The following BIN1 variants were observed in gnomAD, a reference collection of about 807,000 sequenced individuals.
BIN1 encodes the protein bridging integrator 1.
Under a neutral mutation model 82.0 loss-of-function variants are expected in BIN1, and 53 were observed. The ratio of observed to expected loss-of-function variants is 0.65; its 90% CI spans 0.52 to 0.81. BIN1 has a LOEUF of 0.81. Among genes scored for constraint, BIN1 ranks in the 40% least tolerant of loss-of-function variants. BIN1 has a pLI of 0.00. For missense variants in BIN1, 642 were observed against 784.4 expected (o/e 0.82, Z 2.17); for synonymous variants, 302 against 328.0 (o/e 0.92, Z 0.86).
chr2:127,048,335 G>T lies in BIN1; in HGVS notation c.*191C>A. The T allele has an allele frequency of 1.7e-6, 1 of 600,708 alleles. No individual in the cohort carries two copies. The highest frequency in any genetic ancestry group is 3.0e-6 in the Non-Finnish European group (1 of 338,718). 37.2% of individuals were successfully genotyped at this position (600,708 alleles called of 1,614,324 possible). On this transcript the variant is annotated 3_prime_UTR_variant, in exon 19 of 19. Coordinates refer to ENST00000316724, the MANE Select transcript of BIN1 (RefSeq NM_139343.3). The stretch of plus-strand genomic sequence containing the variant: ...TTCAGGAACACTGGTGAATTCCGCC[G>T]GACTTGCCGGGACGCGGCTCTTTGG...
At chr2:127,102,512 AC>A (rs1395610393) in intron 1 of BIN1, among the ~76,000 whole-genome samples, 1 of 152,066 alleles carries the variant, frequency 6.6e-6, no homozygotes, top group Non-Finnish European at 1.5e-5. Flanking sequence ...CTCTCTCCAC[AC>A]CTTGGACCAT....
At position 127,059,270 on chromosome 2, in the gene BIN1, CTG is replaced by C. The variant is rs140171337; in HGVS notation, c.858-117_858-116del. 306,926 of 838,340 alleles carry C rather than the reference CTG, an allele frequency of 0.37. 26,551 individuals are homozygous for C. The highest frequency in any genetic ancestry group is 0.44 in the Admixed American group (18,777 of 42,526). 51.9% of individuals were successfully genotyped at this position (838,340 alleles called of 1,614,324 possible). ...GGTGTGTGCATATGGAGGTGTGAAA[CTG>C]TGTGTGTGTGTGTGTGTGTGTATGT... On this transcript the variant is annotated intron_variant, in intron 10 of 18. Transcript: ENST00000316724. This position sits in a 1 kb window ranked among gnomAD's most constrained non-coding sequence, Gnocchi z 6.7.
rs1682466243 is a variant in BIN1 at position 127,048,571 on chromosome 2, C to G, written c.1737G>C (p.Lys579Asn). The change falls in exon 19 of 19, where the codon AAG (lysine) becomes AAC (asparagine). Residue 579 changes from lysine to asparagine, a missense_variant. By Grantham distance (94) the Lys-to-Asn change is moderately conservative. Coordinates refer to ENST00000316724, the MANE Select transcript of BIN1 (RefSeq NM_139343.3). ...SDWNQHKELEKCRGVFPENFT... is the reference protein window; with the variant it reads ...SDWNQHKELENCRGVFPENFT... Reference sequence around the variant, plus strand: ...AGTTCTCGGGGAAGACGCCACGGCACTTCTCCAGCTCCTTGTGCTGGTTCC... The same window carrying G: ...AGTTCTCGGGGAAGACGCCACGGCAGTTCTCCAGCTCCTTGTGCTGGTTCC... 1.2e-6 allele frequency: 2 copies of G among 1,613,760 alleles called. No homozygotes were observed. The highest frequency in any genetic ancestry group is 1.7e-6 in the Non-Finnish European group (2 of 1,179,988).
In BIN1 at chr2:127,059,645, C is replaced by T. The variant is rs536324778; in HGVS notation, c.858-490G>A. Among the ~76,000 whole-genome samples, 1 of 152,290 alleles carries T rather than the reference C, an allele frequency of 6.6e-6. No individual in the cohort carries two copies. Among genetic ancestry groups the T allele is most frequent in the East Asian group, 1.9e-4 (1 of 5,190 alleles). On this transcript the variant is annotated intron_variant, in intron 10 of 18. Coordinates refer to ENST00000316724, the MANE Select transcript of BIN1 (RefSeq NM_139343.3). This position sits in a 1 kb window ranked among gnomAD's most constrained non-coding sequence, Gnocchi z 6.7. ...TGCCCTCCCTGCCTGTCCATCACAG[C>T]ACCCTGGTACATGTCTCTAGACCTT...
intron 1 of BIN1, among the ~76,000 whole-genome samples, chr2:127,086,579 C>G (rs1420287822): frequency 6.6e-6 from 1 of 151,340 alleles, no homozygotes; most frequent in Non-Finnish European, 1.5e-5. Flanking sequence ...GCAATCTCGG[C>G]TCACCGCAAC....
intron 7 of BIN1, 116 bp from the exon 8 acceptor site, chr2:127,064,134 C>T: frequency 1.7e-6 from 2 of 1,193,370 alleles, no homozygotes; most frequent in Non-Finnish European, 2.4e-6. Flanking sequence ...GACCAGGGCT[C>T]CGGGCAAGAC....
At chr2:127,052,400 G>A (rs532873981) in intron 14 of BIN1, 38 bp from the exon 15 acceptor site, 52 of 1,529,576 alleles carry the variant, frequency 3.4e-5, no homozygotes, top group East Asian at 4.9e-5. Context: ...GGGAGGGGGC[G>A]GGGAGGCCGG....
chr2:127,092,069 G>A (rs914839099), intron 1 of BIN1, among the ~76,000 whole-genome samples: 10 of 148,118 alleles, frequency 6.8e-5, no homozygotes, highest in East Asian at 4.0e-4. Flanking sequence ...CCAGCTCTCC[G>A]CCTGGCCCCT....
intron 1 of BIN1, among the ~76,000 whole-genome samples, chr2:127,096,703 G>A (rs1276434060): frequency 2.0e-5 from 3 of 152,132 alleles, no homozygotes; most frequent in Non-Finnish European, 4.4e-5. Context: ...ACCACTTCAG[G>A]CCAGAGAAAA....
At chr2:127,061,972 C>T (rs1684552546) in intron 10 of BIN1, 143 bp downstream of exon 10, 2 of 879,748 alleles carry the variant, frequency 2.3e-6, no homozygotes, top group African/African-American at 1.7e-5. Flanking sequence ...TCCCTGAGCA[C>T]AGAGAGGCCA....
At chr2:127,056,725 C>T (rs75364090) in intron 12 of BIN1, among the ~76,000 whole-genome samples, 3,930 of 152,290 alleles carry the variant, frequency 0.026, 177 homozygotes, top group African/African-American at 0.09. Context: ...GAAGGCCGGC[C>T]ACCTCTGGGC....
rs926971213 is a variant in BIN1 at position 127,090,492 on chromosome 2, C to T, written c.85-13786G>A. Among the ~76,000 whole-genome samples the T allele has an allele frequency of 9.8e-5, 15 of 152,364 alleles. No individual in the cohort carries two copies. Among genetic ancestry groups the T allele is most frequent in the African/African-American group, 3.4e-4 (14 of 41,592 alleles). ...CACCCCACCCTTGGCCCCAGCCCTC[C>T]GCCCATCTGTCCCTCCACACAAGTG... On this transcript the variant is annotated intron_variant, in intron 1 of 18. Transcript: ENST00000316724. This position sits in a 1 kb window ranked among gnomAD's most constrained non-coding sequence, Gnocchi z 6.4.
intron 7 of BIN1, among the ~76,000 whole-genome samples, chr2:127,066,676 T>C (rs1685187199): frequency 6.6e-6 from 1 of 152,060 alleles, no homozygotes; most frequent in African/African-American, 2.4e-5. Flanking sequence ...CAGCCCCTGG[T>C]TCCCCATGGG....
chr2:127,068,992 C>T lies in BIN1; in HGVS notation c.451G>A (p.Asp151Asn), dbSNP rs121909274. ...GACTCGTAGTGGTGCCGGGCACTGT[C>T]GTAGTCCACCAGCTTGCGCCCCCGC... ...AKRGRKLVDY[D>N]SARHHYESLQ... The change falls in exon 6 of 19, where the codon GAC becomes AAC. Residue 151 changes from aspartate to asparagine, a missense_variant. Coordinates refer to ENST00000316724, the MANE Select transcript of BIN1 (RefSeq NM_139343.3). This position sits in a 1 kb window ranked among gnomAD's most constrained non-coding sequence, Gnocchi z 4.9. 6.2e-7 allele frequency: 1 copy of T among 1,614,176 alleles called. No individual in the cohort carries two copies. Among genetic ancestry groups the T allele is most frequent in the Non-Finnish European group, 8.5e-7 (1 of 1,180,024 alleles).
At position 127,072,709 on chromosome 2, in the gene BIN1, A is replaced by G. The variant is rs566950675; in HGVS notation, c.166-1893T>C. Among the ~76,000 whole-genome samples, 48 of 152,254 alleles carry G rather than the reference A, an allele frequency of 3.2e-4. No homozygotes were observed. The South Asian group carries it at 4.1e-3, about 13-fold the overall frequency. On this transcript the variant is annotated intron_variant, in intron 2 of 18. Transcript: ENST00000316724. ...TAATCATCATCTTTACAAACATCCA[A>G]GTCCAAGGCCCACCGATGTGAGACT...
intron 1 of BIN1, among the ~76,000 whole-genome samples, chr2:127,104,253 C>T (rs1250546848): frequency 6.6e-6 from 1 of 152,238 alleles, no homozygotes; most frequent in Non-Finnish European, 1.5e-5. Context: ...GTAACATCCT[C>T]AATGCACACA....
chr2:127,106,526 G>T (rs1466138536), intron 1 of BIN1, among the ~76,000 whole-genome samples: 1 of 152,158 alleles, frequency 6.6e-6, no homozygotes, highest in Non-Finnish European at 1.5e-5. Context: ...CCGGCCCTTG[G>T]CCTCCAAAGC....
chr2:127,091,725 CA>C (rs57195434), intron 1 of BIN1, among the ~76,000 whole-genome samples: 32,876 of 150,442 alleles, frequency 0.22, 3,839 homozygotes, highest in African/African-American at 0.3. Context: ...CCCATTTCTA[CA>C]AAAAAAAAAT....
chr2:127,050,945 G>A (rs1274937063), intron 16 of BIN1, 33 bp from the exon 17 acceptor site: 1 of 1,604,754 alleles, frequency 6.2e-7, no homozygotes, highest in African/African-American at 1.3e-5. Flanking sequence ...GCTGAGCAGG[G>A]AGGTGGTCCA....
Sources: allele counts gnomAD v4.1 joint callset (sites outside exome capture counted in the v4.1 genomes callset), GRCh38; gene constraint gnomAD v4.1.1; non-coding constraint Gnocchi (gnomAD v3.1); transcripts MANE v1.5; gene names NCBI Gene and HGNC (gene_info 2026-07-23, HGNC 2026-07-21).